The following GLCCI1 variants were observed in gnomAD, a reference collection of about 807,000 sequenced individuals.
The protein encoded by GLCCI1 is glucocorticoid induced 1.
In GLCCI1, 24 loss-of-function variants were observed where a neutral mutation model predicts 52.2. That is an observed-to-expected ratio of 0.46 (90% CI 0.33 to 0.65). The LOEUF (loss-of-function observed/expected upper bound fraction) is 0.65, where lower values mean the gene tolerates loss of function less well. Among genes scored for constraint, GLCCI1 ranks in the 30% least tolerant of loss-of-function variants. The pLI is 0.02. For missense variants in GLCCI1, 704 were observed against 701.5 expected (o/e 1.00, Z -0.04); for synonymous variants, 310 against 276.5 (o/e 1.12, Z -1.20).
At chr7:8,085,754 C>A (rs1053108091) in intron 7 of GLCCI1, among the ~76,000 whole-genome samples, 1 of 152,094 alleles carries the variant, frequency 6.6e-6, no homozygotes, top group Non-Finnish European at 1.5e-5. Context: ...CCCCACTCCA[C>A]CCCCCATCTG....
intron 5 of GLCCI1, among the ~76,000 whole-genome samples, chr7:8,067,266 G>C (rs1172871059): frequency 6.6e-6 from 1 of 151,954 alleles, no homozygotes; most frequent in East Asian, 1.9e-4. Context: ...TGACCGCATG[G>C]GTGTCTTTGC....
intron 3 of GLCCI1, chr7:8,024,841 G>A (rs1206653705): frequency 6.6e-6 from 1 of 152,178 alleles, no homozygotes; most frequent in Non-Finnish European, 1.5e-5. Context: ...TTCGTGATCT[G>A]GTGCTACTCC....
rs557161011 is a variant in GLCCI1, at chr7:8,067,156, T to C, written c.967-3765T>C. 2.0e-5 allele frequency among the ~76,000 whole-genome samples: 3 copies of C among 152,212 alleles called. No homozygotes were observed. In the South Asian group the frequency reaches 6.2e-4, roughly 32 times the overall value. ...TATACTGACCTTGTCTTTTTTGATA[T>C]TTGTTGGTATAAAGTCTGTTTTGTC... On this transcript the variant is annotated intron_variant, in intron 5 of 7. Coordinates refer to ENST00000223145, the MANE Select transcript of GLCCI1 (RefSeq NM_138426.4).
chr7:7,983,484 A>G (rs1020927805), intron 1 of GLCCI1, among the ~76,000 whole-genome samples: 6 of 152,128 alleles, frequency 3.9e-5, no homozygotes, highest in African/African-American at 1.4e-4. Context: ...TGATGTTTTT[A>G]TAACTCTGTA....
In GLCCI1 at chr7:8,063,313, A is replaced by AT. The variant is rs150640958; in HGVS notation, c.966+3075dup. Among the ~76,000 whole-genome samples the AT allele has an allele frequency of 1.7e-4, 25 of 147,438 alleles. 1 individual carries two copies. In the East Asian group the frequency reaches 2.6e-3, roughly 15 times the overall value. ...CTGCCATGCCCGACTAACTTTTTGT[A>AT]TTTTTTTTTTCTAGTAGAGACAGGG... On this transcript the variant is annotated intron_variant, in intron 5 of 7. Coordinates refer to ENST00000223145, the MANE Select transcript of GLCCI1 (RefSeq NM_138426.4).
intron 3 of GLCCI1, among the ~76,000 whole-genome samples, chr7:8,052,912 A>C (rs1197318738): frequency 2.0e-5 from 3 of 152,172 alleles, no homozygotes; most frequent in African/African-American, 7.2e-5. Flanking sequence ...CTATGGTGGA[A>C]TAGAATTCAT....
intron 3 of GLCCI1, among the ~76,000 whole-genome samples, chr7:8,028,363 A>G (rs765888283): frequency 6.5e-4 from 99 of 152,316 alleles, no homozygotes; most frequent in East Asian, 3.9e-4. Flanking sequence ...TAAATGACCA[A>G]TGAGTCAATG....
At chr7:8,062,574 C>G (rs1782542318) in intron 5 of GLCCI1, among the ~76,000 whole-genome samples, 1 of 152,196 alleles carries the variant, frequency 6.6e-6, no homozygotes, top group South Asian at 2.1e-4. Flanking sequence ...AGGTAATAAG[C>G]ATACTACCTG....
chr7:8,054,378 A>T (rs1333701030), intron 3 of GLCCI1, among the ~76,000 whole-genome samples: 1 of 152,188 alleles, frequency 6.6e-6, no homozygotes, highest in Non-Finnish European at 1.5e-5. Context: ...TCCATAAGCT[A>T]CATAGAGCTT....
intron 1 of GLCCI1, among the ~76,000 whole-genome samples, chr7:7,972,785 C>T (rs1205592397): frequency 2.6e-5 from 4 of 151,836 alleles, no homozygotes; most frequent in Admixed American, 6.6e-5. Context: ...TTATACAACC[C>T]AGGAAAAAAT....
intron 4 of GLCCI1, among the ~76,000 whole-genome samples, chr7:8,059,130 G>C (rs1385927763): frequency 6.6e-6 from 1 of 152,134 alleles, no homozygotes; most frequent in African/African-American, 2.4e-5. Flanking sequence ...CTGTATGTAA[G>C]TCGACCCACA....
intron 3 of GLCCI1, among the ~76,000 whole-genome samples, chr7:8,030,502 C>G (rs1335062570): frequency 6.6e-6 from 1 of 152,224 alleles, no homozygotes; most frequent in East Asian, 1.9e-4. Flanking sequence ...ACTAATACCA[C>G]ACAAGCACAG....
chr7:8,071,708 T>G (rs1412076706), intron 6 of GLCCI1, among the ~76,000 whole-genome samples: 1 of 152,142 alleles, frequency 6.6e-6, no homozygotes, highest in Non-Finnish European at 1.5e-5. Flanking sequence ...TCCTTGTGTC[T>G]ACTTGTGTAC....
chr7:8,054,400 A>G (rs914899438), intron 3 of GLCCI1, among the ~76,000 whole-genome samples: 1 of 152,290 alleles, frequency 6.6e-6, no homozygotes, highest in African/African-American at 2.4e-5. Flanking sequence ...AAAAAACTTA[A>G]AAGGATCTAA....
chr7:8,074,862 G>C (rs191049468), intron 6 of GLCCI1, among the ~76,000 whole-genome samples: 93 of 152,230 alleles, frequency 6.1e-4, no homozygotes, highest in Admixed American at 2.4e-3. Context: ...TTGATTTGGA[G>C]TACCTACATG....
In GLCCI1 at chr7:8,088,839, A is replaced by G. The variant is rs1323001940; in HGVS notation, c.*2301A>G. On this transcript the variant is annotated 3_prime_UTR_variant, in exon 8 of 8. Transcript: ENST00000223145. The stretch of plus-strand genomic sequence containing the variant: ...AATGTGTTAAAGCTTACGCTTTGCC[A>G]TGTAAATTTCCCAGAAGTTGTTGAG... 6.5e-6 allele frequency: 1 copy of G among 152,674 alleles called. No individual in the cohort carries two copies. Among genetic ancestry groups the G allele is most frequent in the Non-Finnish European group, 1.5e-5 (1 of 68,038 alleles). 9.5% of individuals were successfully genotyped at this position (152,674 alleles called of 1,614,324 possible).
At chr7:8,060,534 T>C (rs1231277909) in intron 5 of GLCCI1, among the ~76,000 whole-genome samples, 1 of 152,214 alleles carries the variant, frequency 6.6e-6, no homozygotes. Flanking sequence ...AATCTGTTGA[T>C]GGATTTTTTG....
intron 3 of GLCCI1, among the ~76,000 whole-genome samples, chr7:8,039,958 C>G (rs1003434163): frequency 2.7e-5 from 4 of 147,354 alleles, no homozygotes; most frequent in Non-Finnish European, 4.5e-5. Context: ...GATCATGCCA[C>G]TGCACTCCAG....
At chr7:8,077,567 G>T (rs1782900450) in intron 6 of GLCCI1, among the ~76,000 whole-genome samples, 1 of 152,180 alleles carries the variant, frequency 6.6e-6, no homozygotes, top group African/African-American at 2.4e-5. Flanking sequence ...CAATCGATCT[G>T]TATCTCCTCA....
Sources: allele counts gnomAD v4.1 joint callset (sites outside exome capture counted in the v4.1 genomes callset), GRCh38; gene constraint gnomAD v4.1.1; transcripts MANE v1.5; gene names NCBI Gene and HGNC (gene_info 2026-07-23, HGNC 2026-07-21).